CDH18: variants seen among roughly 807,000 people sequenced by gnomAD.
CDH18 encodes cadherin-18.
Under a neutral mutation model 67.9 loss-of-function variants are expected in CDH18, and 31 were observed. The ratio of observed to expected loss-of-function variants is 0.46; its 90% CI spans 0.34 to 0.62. The LOEUF is 0.62. Ranked by LOEUF, CDH18 falls within the 20% of genes least tolerant of loss-of-function variation. The probability of loss-of-function intolerance (pLI) is 0.01; values close to 1 mark genes in which losing one functional copy is unlikely to be tolerated. For synonymous variants in CDH18, 362 were observed against 347.2 expected (o/e 1.04, Z -0.48); for missense variants, 890 against 975.5 (o/e 0.91, Z 1.17).
intron 2 of CDH18, among the ~76,000 whole-genome samples, chr5:20,010,561 T>C (rs1388099253): frequency 6.6e-6 from 1 of 152,104 alleles, no homozygotes. Flanking sequence ...TTCAATCAAA[T>C]GAATATCTCA....
intron 10 of CDH18, among the ~76,000 whole-genome samples, chr5:19,516,681 G>A (rs561582519): frequency 6.6e-6 from 1 of 152,174 alleles, no homozygotes; most frequent in East Asian, 1.9e-4. Flanking sequence ...ATTTCTGTGG[G>A]ATCGGTAGTG....
At chr5:19,853,706 TAA>T (rs926336020) in intron 2 of CDH18, among the ~76,000 whole-genome samples, 1 of 152,066 alleles carries the variant, frequency 6.6e-6, no homozygotes, top group African/African-American at 2.4e-5. Flanking sequence ...GGAGGAGATA[TAA>T]GTTTTGCTGC....
At chr5:19,914,596 A>G (rs1180033073) in intron 2 of CDH18, among the ~76,000 whole-genome samples, 1 of 152,100 alleles carries the variant, frequency 6.6e-6, no homozygotes, top group East Asian at 1.9e-4. Context: ...ATATATCCAC[A>G]CACTACTAAA....
intron 4 of CDH18, among the ~76,000 whole-genome samples, chr5:19,723,873 C>T (rs1766451517): frequency 6.6e-6 from 1 of 151,982 alleles, no homozygotes; most frequent in Non-Finnish European, 1.5e-5. Context: ...GCCACCACAC[C>T]CAGCTAATTT....
At chr5:19,622,885 C>T (rs554562579) in intron 5 of CDH18, among the ~76,000 whole-genome samples, 3 of 152,322 alleles carry the variant, frequency 2.0e-5, no homozygotes, top group Admixed American at 2.0e-4. Flanking sequence ...ATTGCCTAGA[C>T]AATCCCTGCT....
intron 5 of CDH18, among the ~76,000 whole-genome samples, chr5:19,648,308 G>C (rs1449132036): frequency 6.6e-6 from 1 of 151,980 alleles, no homozygotes; most frequent in African/African-American, 2.4e-5. Context: ...CCAGCTACTT[G>C]AGAGGCTGAG....
At chr5:19,860,652 C>A (rs185217986) in intron 2 of CDH18, among the ~76,000 whole-genome samples, 145 of 151,880 alleles carry the variant, frequency 9.5e-4, no homozygotes, top group East Asian at 4.5e-3. Context: ...AAGACTTAGA[C>A]CAATATTTTT....
intron 1 of CDH18, among the ~76,000 whole-genome samples, chr5:20,396,238 T>C (rs1164404779): frequency 6.6e-6 from 1 of 152,070 alleles, no homozygotes; most frequent in Admixed American, 6.6e-5. Flanking sequence ...AGGCTGAAGG[T>C]ATCAGAATTG....
intron 2 of CDH18, among the ~76,000 whole-genome samples, chr5:19,887,936 G>A (rs1788396513): frequency 6.6e-6 from 1 of 151,964 alleles, no homozygotes; most frequent in South Asian, 2.1e-4. Flanking sequence ...TGAATATTCA[G>A]TTGATTCAGA....
intron 1 of CDH18, among the ~76,000 whole-genome samples, chr5:20,313,785 A>G (rs1737210714): frequency 6.6e-6 from 1 of 151,992 alleles, no homozygotes; most frequent in Admixed American, 6.6e-5. Flanking sequence ...ATGAATTTGT[A>G]GTTTACAGTT....
chr5:19,961,376 G>A (rs909110389), intron 2 of CDH18, among the ~76,000 whole-genome samples: 1 of 151,876 alleles, frequency 6.6e-6, no homozygotes, highest in Non-Finnish European at 1.5e-5. Flanking sequence ...CAAACCGCAA[G>A]GATTACAGGC....
chr5:20,006,225 A>G (rs916354854), intron 2 of CDH18, among the ~76,000 whole-genome samples: 1 of 151,872 alleles, frequency 6.6e-6, no homozygotes, highest in Admixed American at 6.6e-5. Flanking sequence ...GACTAGAAGA[A>G]TTAGAGATGG....
At chr5:20,285,252 A>C (rs1746595747) in intron 1 of CDH18, among the ~76,000 whole-genome samples, 1 of 151,238 alleles carries the variant, frequency 6.6e-6, no homozygotes, top group South Asian at 2.1e-4. Flanking sequence ...TAACAGATAA[A>C]ATTTATTGTC....
chr5:20,542,543 G>A (rs1757110981), intron 1 of CDH18, among the ~76,000 whole-genome samples: 4 of 151,042 alleles, frequency 2.6e-5, no homozygotes, highest in Non-Finnish European at 5.9e-5. Context: ...TATGCATATG[G>A]ATATATATAC....
chr5:20,239,020 T>G (rs1360486828), intron 2 of CDH18, among the ~76,000 whole-genome samples: 1 of 152,190 alleles, frequency 6.6e-6, no homozygotes. Context: ...GTTTTCCAAG[T>G]GAAATAAATG....
intron 2 of CDH18, among the ~76,000 whole-genome samples, chr5:20,051,122 TAGA>T (rs1297268179): frequency 9.9e-5 from 15 of 151,970 alleles, no homozygotes; most frequent in African/African-American, 2.4e-5. Context: ...TATAATTCAT[TAGA>T]AGGATATAAA....
At chr5:20,152,981 T>G (rs751991849) in intron 2 of CDH18, among the ~76,000 whole-genome samples, 69 of 151,032 alleles carry the variant, frequency 4.6e-4, no homozygotes, top group Non-Finnish European at 8.0e-4. Context: ...CTTTTTCTGT[T>G]GCCCAGGCTG....
intron 2 of CDH18, among the ~76,000 whole-genome samples, chr5:20,059,044 T>C (rs112179258): frequency 6.6e-6 from 1 of 152,324 alleles, no homozygotes; most frequent in African/African-American, 2.4e-5. Flanking sequence ...GACTTCTTCC[T>C]GGTTTAGTCT....
intron 2 of CDH18, among the ~76,000 whole-genome samples, chr5:19,939,167 C>T (rs1408501777): frequency 1.3e-5 from 2 of 151,092 alleles, no homozygotes. Context: ...GTTAATTTTA[C>T]CAATGAGGAT....
Sources: allele counts gnomAD v4.1 joint callset (sites outside exome capture counted in the v4.1 genomes callset), GRCh38; gene constraint gnomAD v4.1.1; transcripts MANE v1.5; gene names NCBI Gene and HGNC (gene_info 2026-07-23, HGNC 2026-07-21).